The following ATP2B4 variants were observed in gnomAD, a reference collection of about 807,000 sequenced individuals.
ATP2B4 encodes the protein ATPase plasma membrane Ca2+ transporting 4.
Under a neutral mutation model 110.3 loss-of-function variants are expected in ATP2B4, and 39 were observed. That is an observed-to-expected ratio of 0.35 (90% confidence interval 0.27 to 0.46). The LOEUF is 0.46. ATP2B4 is among the 20% of genes least tolerant of loss of function. The probability of loss-of-function intolerance (pLI) is 1.00; values close to 1 mark genes in which losing one functional copy is unlikely to be tolerated. For missense variants in ATP2B4, 1,135 were observed against 1,530.9 expected (o/e 0.74, Z 4.32); for synonymous variants, 538 against 571.7 (o/e 0.94, Z 0.84).
rs1485875432 is a variant in ATP2B4 at position 203,738,248 on chromosome 1, G to A, written c.3310-1298G>A. Among the ~76,000 whole-genome samples the A allele has an allele frequency of 3.3e-5, 5 of 151,536 alleles. No homozygotes were observed. The East Asian group carries it at 9.7e-4, about 29-fold the overall frequency. The stretch of plus-strand genomic sequence containing the variant: ...CCTACAACCATTTACCTTTCCCCTG[G>A]CCCCTCTCTCCAACTTCTCGGAGCT... On this transcript the variant is annotated intron_variant, in intron 20 of 20. Transcript: ENST00000357681.
rs193173278 is a variant in ATP2B4 at position 203,739,339 on chromosome 1, C to A, written c.3310-207C>A. 1.5e-3 allele frequency among the ~76,000 whole-genome samples: 235 copies of A among 151,986 alleles called. 3 individuals carry two copies. The East Asian group carries it at 0.028, about 18-fold the overall frequency. ...AAACGTCCTAGTTGCCGTCACTCAC[C>A]CCAGCCCACCCCACTGCTTGAAAGT... On this transcript the variant is annotated intron_variant, in intron 20 of 20. Transcript: ENST00000357681.
chr1:203,700,675 C>A, intron 5 of ATP2B4, 123 bp from the exon 6 acceptor site: 1 of 1,357,228 alleles, frequency 7.4e-7, no homozygotes, highest in Non-Finnish European at 1.0e-6. Context: ...TCCTACTGTG[C>A]TAAGCACATC....
intron 1 of ATP2B4, among the ~76,000 whole-genome samples, chr1:203,674,804 G>A (rs893889671): frequency 4.6e-5 from 7 of 151,932 alleles, no homozygotes; most frequent in East Asian, 1.9e-4. Context: ...CTACAGGCAC[G>A]TGCCACCACA....
intron 13 of ATP2B4, among the ~76,000 whole-genome samples, 182 bp from the exon 14 acceptor site, chr1:203,712,983 T>C (rs1666055702): frequency 6.6e-6 from 1 of 152,196 alleles, no homozygotes; most frequent in Non-Finnish European, 1.5e-5. Flanking sequence ...ATGGTCATCA[T>C]CCATGAATCT....
At chr1:203,701,997 A>G (rs78023704) in intron 6 of ATP2B4, 47 bp from the exon 7 acceptor site, 2 of 1,610,186 alleles carry the variant, frequency 1.2e-6, no homozygotes, top group Admixed American at 3.3e-5. Flanking sequence ...ATCTCTTAAT[A>G]GTTACTTTGG....
intron 17 of ATP2B4, among the ~76,000 whole-genome samples, chr1:203,721,663 TTTTTTTTTTTC>T (rs1177475494): frequency 3.5e-4 from 48 of 136,672 alleles, no homozygotes; most frequent in African/African-American, 1.4e-3. Context: ...TCTTTTTTTT[TTTTTTTTTTTC>T]TTTTTGGAGA....
At chr1:203,721,083 T>C in intron 16 of ATP2B4, 114 bp from the exon 17 acceptor site, 1 of 1,102,660 alleles carries the variant, frequency 9.1e-7, no homozygotes, top group Non-Finnish European at 1.3e-6. Flanking sequence ...GTCACTCAGC[T>C]AGGAAGTGGC....
At chr1:203,646,720 G>A (rs1663812047) in intron 1 of ATP2B4, among the ~76,000 whole-genome samples, 1 of 152,010 alleles carries the variant, frequency 6.6e-6, no homozygotes, top group Non-Finnish European at 1.5e-5. Flanking sequence ...CCGAGATTGT[G>A]CCACTGCACT....
intron 19 of ATP2B4, among the ~76,000 whole-genome samples, chr1:203,725,436 A>T (rs1453845250): frequency 6.6e-6 from 1 of 152,160 alleles, no homozygotes; most frequent in East Asian, 1.9e-4. Context: ...GGCCTGAGCC[A>T]CCGTGCCCAG....
In ATP2B4 at chr1:203,714,176, A is replaced by G; in HGVS notation, c.2305A>G (p.Ile769Val). The G allele has an allele frequency of 2.5e-6, 4 of 1,614,142 alleles. No individual in the cohort carries two copies. Among genetic ancestry groups the G allele is most frequent in the Non-Finnish European group, 3.4e-6 (4 of 1,180,010 alleles). ...GGTGTGTCTGTTTCTCCCAGGCATA[A>G]TTGACAGCACTGTTGGGGAACACCG... ...TDKHTLVKGI[I>V]DSTVGEHRQV... is the part of the protein sequence containing the mutation. The change falls in exon 15 of 21, where the codon ATT becomes GTT. Residue 769 changes from isoleucine (I) to valine (V), a missense_variant. Transcript: ENST00000357681.
chr1:203,683,777 C>T (rs4951370), intron 2 of ATP2B4, among the ~76,000 whole-genome samples: 1 of 150,476 alleles, frequency 6.6e-6, no homozygotes, highest in Non-Finnish European at 1.5e-5. Context: ...GGGCTGAAGC[C>T]ATCTTCCTAC....
intron 2 of ATP2B4, among the ~76,000 whole-genome samples, chr1:203,697,310 GC>G (rs1458056626): frequency 6.6e-6 from 1 of 152,208 alleles, no homozygotes; most frequent in Non-Finnish European, 1.5e-5. Flanking sequence ...CCTCCATCTT[GC>G]ATGACCTTGA....
At chr1:203,700,757 TAAAA>T (rs765919679) in intron 5 of ATP2B4, 37 bp from the exon 6 acceptor site, 2 of 1,610,406 alleles carry the variant, frequency 1.2e-6, no homozygotes, top group East Asian at 4.5e-5. Flanking sequence ...GTCTAGGTAT[TAAAA>T]AACCCATTCC....
intron 1 of ATP2B4, among the ~76,000 whole-genome samples, chr1:203,668,163 G>C (rs779807670): frequency 7.2e-5 from 11 of 152,178 alleles, no homozygotes; most frequent in Non-Finnish European, 1.5e-4. Flanking sequence ...TGCTCTGTAG[G>C]CTCAGAGTGG....
intron 1 of ATP2B4, among the ~76,000 whole-genome samples, chr1:203,672,222 G>T (rs1339393695): frequency 6.6e-6 from 1 of 151,870 alleles, no homozygotes; most frequent in Non-Finnish European, 1.5e-5. Context: ...TTGGAAAGGA[G>T]CTCACCCACA....
chr1:203,637,198 G>A (rs554841028), intron 1 of ATP2B4, among the ~76,000 whole-genome samples: 3 of 152,296 alleles, frequency 2.0e-5, no homozygotes, highest in South Asian at 4.1e-4. Context: ...TTGGAAGGCC[G>A]AGGCAGGCGG....
Position 203,724,320 on chromosome 1 carries a change from G to A in ATP2B4, c.3132+332G>A, listed in dbSNP as rs576645783. ...ATCACGAGGTCAGGAAATCAAGACCGTCCTGGCTAACATGGTGAAACCCCG... is the reference window on the plus strand; with the variant it reads ...ATCACGAGGTCAGGAAATCAAGACCATCCTGGCTAACATGGTGAAACCCCG... On this transcript the variant is annotated intron_variant, in intron 19 of 20. Transcript: ENST00000357681. Among the ~76,000 whole-genome samples the A allele has an allele frequency of 1.5e-3, 227 of 152,018 alleles. 1 individual carries two copies. The highest frequency in any genetic ancestry group is 5.2e-3 in the African/African-American group (214 of 41,486).
intron 1 of ATP2B4, among the ~76,000 whole-genome samples, chr1:203,637,017 T>A (rs1663459829): frequency 6.6e-6 from 1 of 152,184 alleles, no homozygotes; most frequent in South Asian, 2.1e-4. Context: ...AGGCCGTAAT[T>A]CTGCTATGTC....
At chr1:203,720,840 G>C in intron 16 of ATP2B4, 100 bp downstream of exon 16, 1 of 1,359,314 alleles carries the variant, frequency 7.4e-7, no homozygotes, top group East Asian at 2.4e-5. Flanking sequence ...TAAAGACAGC[G>C]TTTCCCCATG....
Sources: allele counts gnomAD v4.1 joint callset (sites outside exome capture counted in the v4.1 genomes callset), GRCh38; gene constraint gnomAD v4.1.1; transcripts MANE v1.5; gene names NCBI Gene and HGNC (gene_info 2026-07-23, HGNC 2026-07-21).